The following FAM120C variants were observed in gnomAD, a reference collection of about 807,000 sequenced individuals.
FAM120C encodes the protein family with sequence similarity 120 member C.
In FAM120C, 14 loss-of-function variants were observed where a neutral mutation model predicts 71.2. That is an observed-to-expected ratio of 0.20 (90% confidence interval 0.13 to 0.31). The LOEUF (loss-of-function observed/expected upper bound fraction) is 0.31, where lower values mean the gene tolerates loss of function less well. FAM120C is among the 10% of genes least tolerant of loss of function. FAM120C has a pLI of 1.00. For missense variants in FAM120C, 500 were observed against 879.0 expected (o/e 0.57, Z 5.45); for synonymous variants, 354 against 353.2 (o/e 1.00, Z -0.03).
rs2066970345 is a variant in FAM120C, at chrX:54,116,831, G to A, written c.2063-37C>T. On this transcript the variant is annotated intron_variant, in intron 9 of 15. Coordinates refer to ENST00000375180, the MANE Select transcript of FAM120C (RefSeq NM_017848.6). Reference sequence around the variant, plus strand: ...AAATTGAGGAAAAAGAGGCTCTAGAGAATCTCTCAGCATTTCTACGGCTAG... The same window carrying A: ...AAATTGAGGAAAAAGAGGCTCTAGAAAATCTCTCAGCATTTCTACGGCTAG... 3 of 1,190,152 alleles carry A rather than the reference G, an allele frequency of 2.5e-6. No homozygotes were observed. The African/African-American group carries it at 5.3e-5, about 21-fold the overall frequency.
Position 54,102,724 on chromosome X carries a change from GT to G in FAM120C, c.2313-11299del, listed in dbSNP as rs782079582. Among the ~76,000 whole-genome samples the G allele has an allele frequency of 1.1e-3, 74 of 64,805 alleles. No homozygotes were observed. In the East Asian group the frequency reaches 0.013, roughly 11 times the overall value. 56.3% of individuals were successfully genotyped at this position (64,805 alleles called of 115,157 possible). A position where few individuals can be genotyped will look rare whatever the true frequency, so the allele number is the denominator to read the frequency against. ...ACAGCAGGGTCCCTTGTATTTACGT[GT>G]TTTTTTTTTTTGGAGACAGAGTCTC... On this transcript the variant is annotated intron_variant, in intron 10 of 15. Transcript: ENST00000375180.
intron 1 of FAM120C, among the ~76,000 whole-genome samples, chrX:54,179,978 C>T (rs1214894812): frequency 8.9e-6 from 1 of 111,954 alleles, no homozygotes; most frequent in African/African-American, 3.2e-5. Context: ...TCTGAATACC[C>T]GTGACTGAGA....
intron 10 of FAM120C, among the ~76,000 whole-genome samples, chrX:54,099,107 T>G (rs1442360913): frequency 9.6e-6 from 1 of 104,664 alleles, no homozygotes; most frequent in Non-Finnish European, 1.9e-5. Context: ...CTCTACCTCC[T>G]GGGTGTAAGC....
In FAM120C at chrX:54,071,420, T is replaced by C. The variant is rs782724529; in HGVS notation, c.*1613A>G. 2.7e-5 allele frequency: 3 copies of C among 112,818 alleles called. No homozygotes were observed. In the East Asian group the frequency reaches 8.4e-4, roughly 32 times the overall value. 9.3% of individuals were successfully genotyped at this position (112,818 alleles called of 1,213,427 possible). On this transcript the variant is annotated 3_prime_UTR_variant, in exon 16 of 16. Transcript: ENST00000375180. The stretch of plus-strand genomic sequence containing the variant: ...AGTAGTCAGAATGTCAATGAACAAA[T>C]GAAACAATCTAGGCGTGTAAAATCA...
chrX:54,154,905 C>T (rs185937047), intron 3 of FAM120C, among the ~76,000 whole-genome samples: 43 of 110,812 alleles, frequency 3.9e-4, no homozygotes, highest in Non-Finnish European at 6.6e-4. Context: ...TATGTGGAGA[C>T]AGAAAAGAGA....
chrX:54,173,728 T>C (rs1036108496), intron 1 of FAM120C: 1 of 133,123 alleles, frequency 7.5e-6, no homozygotes, highest in Non-Finnish European at 1.5e-5. Flanking sequence ...TTTGCACAGA[T>C]GTAGGAGAAA....
Position 54,136,060 on chromosome X carries a change from G to A in FAM120C, c.1258+431C>T, listed in dbSNP as rs188686913. 6.1e-4 allele frequency among the ~76,000 whole-genome samples: 66 copies of A among 107,536 alleles called. 1 individual carries two copies. In the South Asian group the frequency reaches 8.0e-3, roughly 13 times the overall value. The allele number at this position is 107,536 out of a possible 115,157, so 93.4% of individuals were successfully genotyped here. A position where few individuals can be genotyped will look rare whatever the true frequency, so the allele number is the denominator to read the frequency against. Reference sequence around the variant, plus strand: ...GTTGCCCAGGCTGGAGTGCAATGGCGCGATCTTGGCTCACCGCAAACTCCG... The same window carrying A: ...GTTGCCCAGGCTGGAGTGCAATGGCACGATCTTGGCTCACCGCAAACTCCG... On this transcript the variant is annotated intron_variant, in intron 5 of 15. Transcript: ENST00000375180.
At chrX:54,125,007 CA>C (rs782249504) in intron 9 of FAM120C, among the ~76,000 whole-genome samples, 1 of 111,052 alleles carries the variant, frequency 9.0e-6, no homozygotes, top group African/African-American at 3.3e-5. Flanking sequence ...CAAAAAACAA[CA>C]AAAAAACTAT....
Position 54,155,576 on chromosome X carries a change from T to C in FAM120C, c.1029+2113A>G, listed in dbSNP as rs782304979. ...GGGGAAGGGAATAGTAAGCAACTCATGTGTAGACAAGTCTTTAGAGGAGTT... is the reference window on the plus strand; with the variant it reads ...GGGGAAGGGAATAGTAAGCAACTCACGTGTAGACAAGTCTTTAGAGGAGTT... On this transcript the variant is annotated intron_variant, in intron 3 of 15. Transcript: ENST00000375180. 2.7e-5 allele frequency among the ~76,000 whole-genome samples: 3 copies of C among 111,640 alleles called. No homozygotes were observed. In the South Asian group the frequency reaches 1.1e-3, roughly 42 times the overall value.
intron 4 of FAM120C, 65 bp downstream of exon 4, chrX:54,151,180 C>T (rs2067182747): frequency 1.7e-6 from 2 of 1,150,334 alleles, no homozygotes; most frequent in Non-Finnish European, 2.4e-6. Context: ...AGATCAGGGA[C>T]CTGCTGGTGT....
chrX:54,087,898 G>A lies in FAM120C; in HGVS notation c.2494C>T (p.Leu832=), dbSNP rs781963327. Residue 832 remains leucine (L), a synonymous_variant, in exon 12 of 16, where the codon CTG becomes TTG. Coordinates refer to ENST00000375180, the MANE Select transcript of FAM120C (RefSeq NM_017848.6). The stretch of plus-strand genomic sequence containing the variant: ...TGGCCACAGGCATCATTAGCAAACA[G>A]AGCTGTGTCGACTCCACTCATGAAG... ...ALFMSGVDTA[L]FANDACGQPV... is the part of the protein sequence containing the mutation. 3.3e-6 allele frequency: 4 copies of A among 1,211,705 alleles called. No individual in the cohort carries two copies. The East Asian group carries it at 1.2e-4, about 36-fold the overall frequency.
At chrX:54,181,010 G>A (rs2067346199) in intron 1 of FAM120C, among the ~76,000 whole-genome samples, 1 of 102,116 alleles carries the variant, frequency 9.8e-6, no homozygotes, top group Admixed American at 1.0e-4. Flanking sequence ...AGAAGAGCAA[G>A]CAAATGTGTG....
At chrX:54,168,767 C>A (rs1244503770) in intron 1 of FAM120C, among the ~76,000 whole-genome samples, 1 of 111,708 alleles carries the variant, frequency 9.0e-6, no homozygotes, top group Non-Finnish European at 1.9e-5. Flanking sequence ...GAGTCTTTGA[C>A]CTCATGGAAC....
At chrX:54,156,056 A>T (rs902304012) in intron 3 of FAM120C, among the ~76,000 whole-genome samples, 48 of 111,410 alleles carry the variant, frequency 4.3e-4, no homozygotes, top group African/African-American at 1.6e-3. Context: ...CACAGAGGGG[A>T]TAACACCTTC....
rs924812735 is a variant in FAM120C, at chrX:54,070,354, A to G, written c.*2679T>C. On this transcript the variant is annotated 3_prime_UTR_variant, in exon 16 of 16. Coordinates refer to ENST00000375180, the MANE Select transcript of FAM120C (RefSeq NM_017848.6). ...TGGCAAACTGGAATCATACCTGCCAAAGCAGCAATTTTACCTCTCACAGTG... is the reference window on the plus strand; with the variant it reads ...TGGCAAACTGGAATCATACCTGCCAGAGCAGCAATTTTACCTCTCACAGTG... The G allele has an allele frequency of 8.9e-6, 1 of 112,202 alleles. No individual in the cohort carries two copies. Among genetic ancestry groups the G allele is most frequent in the African/African-American group, 3.2e-5 (1 of 30,933 alleles). The allele number at this position is 112,202 out of a possible 1,213,427, so 9.2% of individuals were successfully genotyped here. A position where few individuals can be genotyped will look rare whatever the true frequency, so the allele number is the denominator to read the frequency against.
intron 1 of FAM120C, among the ~76,000 whole-genome samples, chrX:54,175,125 C>T (rs1557136482): frequency 9.0e-6 from 1 of 111,559 alleles, no homozygotes; most frequent in South Asian, 3.8e-4. Context: ...ACAGCATTTC[C>T]TATGTCACAA....
At chrX:54,106,216 A>G (rs1269085362) in intron 10 of FAM120C, among the ~76,000 whole-genome samples, 1 of 111,880 alleles carries the variant, frequency 8.9e-6, no homozygotes, top group Admixed American at 9.6e-5. Flanking sequence ...ACAGAGATAT[A>G]GATCAATGCA....
chrX:54,080,347 T>C, intron 14 of FAM120C, 58 bp from the exon 15 acceptor site: 2 of 982,243 alleles, frequency 2.0e-6, no homozygotes, highest in Non-Finnish European at 1.4e-6. Context: ...ACACCCCTTT[T>C]CACTTGGTTA....
chrX:54,153,708 T>C (rs782801891), intron 3 of FAM120C, among the ~76,000 whole-genome samples: 169 of 109,899 alleles, frequency 1.5e-3, no homozygotes, highest in African/African-American at 5.5e-3. Flanking sequence ...GCTGGGATTA[T>C]AGGTGAGCAC....
Sources: gnomAD v4.1 joint callset for allele counts (sites outside exome capture counted in the v4.1 genomes callset) on GRCh38, gnomAD v4.1.1 for gene constraint, MANE v1.5 for transcripts, NCBI Gene and HGNC (gene_info 2026-07-23, HGNC 2026-07-21) for gene names.